Variants in PRKAR2B observed in about 807,000 individuals in gnomAD.
PRKAR2B encodes protein kinase cAMP-dependent type II regulatory subunit beta.
Under a neutral mutation model 49.9 loss-of-function variants are expected in PRKAR2B, and 14 were observed. The ratio of observed to expected loss-of-function variants is 0.28; its 90% confidence interval spans 0.19 to 0.44. The LOEUF (loss-of-function observed/expected upper bound fraction) is 0.44. Among genes scored for constraint, PRKAR2B ranks in the 20% least tolerant of loss-of-function variants. The pLI is 1.00. For missense variants in PRKAR2B, 393 were observed against 537.9 expected, an observed-to-expected ratio of 0.73 and a Z score of 2.67; for synonymous variants, 196 against 197.7, an observed-to-expected ratio of 0.99 and a Z score of 0.07.
At chr7:107,145,697 A>G (rs6960148) in intron 5 of PRKAR2B, among the ~76,000 whole-genome samples, 127,776 of 150,320 alleles carry the variant, frequency 0.85, 54,557 homozygotes, top group African/African-American at 0.93. Flanking sequence ...GGAATTACAG[A>G]TGTAAGTAAG....
intron 2 of PRKAR2B, among the ~76,000 whole-genome samples, chr7:107,076,241 A>G (rs190815415): frequency 1.3e-5 from 2 of 152,332 alleles, no homozygotes; most frequent in Admixed American, 6.5e-5. Flanking sequence ...TCTAGGTAAT[A>G]TAACACTGAA....
chr7:107,059,026 C>T (rs1241101842), intron 1 of PRKAR2B, among the ~76,000 whole-genome samples: 5 of 152,172 alleles, frequency 3.3e-5, no homozygotes, highest in Non-Finnish European at 5.9e-5. Context: ...TGGCTCACGC[C>T]TGTATTCCCA....
chr7:107,126,420 C>CAAA lies in PRKAR2B; in HGVS notation c.397-1771_397-1769dup, dbSNP rs35682952. ...TGGGCAACAGAGTGAGAATCTGTCT[C>CAAA]AAAAAAAAAAAAAAAAAAAAAAAGT... On this transcript the variant is annotated intron_variant, in intron 3 of 10. Transcript: ENST00000265717. Among the ~76,000 whole-genome samples, 21 of 38,350 alleles carry CAAA rather than the reference C, an allele frequency of 5.5e-4. 1 individual carries two copies. Among genetic ancestry groups the CAAA allele is most frequent in the African/African-American group, 1.3e-3 (12 of 9,536 alleles). The allele number at this position is 38,350 out of a possible 152,430, so 25.2% of individuals were successfully genotyped here.
intron 2 of PRKAR2B, among the ~76,000 whole-genome samples, chr7:107,085,950 T>A (rs1794611543): frequency 6.6e-6 from 1 of 152,248 alleles, no homozygotes; most frequent in African/African-American, 2.4e-5. Flanking sequence ...TTTGAGCATG[T>A]GAAATTTGTA....
chr7:107,056,458 T>G (rs973407279), intron 1 of PRKAR2B, among the ~76,000 whole-genome samples: 1 of 152,246 alleles, frequency 6.6e-6, no homozygotes, highest in African/African-American at 2.4e-5. Context: ...GCATGGAATG[T>G]TCTTCCATTT....
At chr7:107,061,496 A>T (rs1794026332) in intron 1 of PRKAR2B, among the ~76,000 whole-genome samples, 1 of 152,204 alleles carries the variant, frequency 6.6e-6, no homozygotes, top group South Asian at 2.1e-4. Context: ...TGGGATTTTT[A>T]AAATTATACA....
intron 2 of PRKAR2B, among the ~76,000 whole-genome samples, chr7:107,083,949 G>C (rs1295202483): frequency 6.6e-6 from 1 of 152,146 alleles, no homozygotes; most frequent in East Asian, 1.9e-4. Context: ...TGGAATTATA[G>C]ACTAGTAGGA....
At chr7:107,109,358 C>T (rs1795131900) in intron 2 of PRKAR2B, among the ~76,000 whole-genome samples, 1 of 151,872 alleles carries the variant, frequency 6.6e-6, no homozygotes, top group Non-Finnish European at 1.5e-5. Flanking sequence ...CTCCTGGGCT[C>T]AAGCAGTCTT....
intron 2 of PRKAR2B, among the ~76,000 whole-genome samples, chr7:107,088,247 G>T (rs968129010): frequency 6.6e-6 from 1 of 152,148 alleles, no homozygotes; most frequent in Non-Finnish European, 1.5e-5. Context: ...CGGAAACCTC[G>T]TTCAGGTATC....
intron 1 of PRKAR2B, among the ~76,000 whole-genome samples, chr7:107,069,091 T>C (rs1372153804): frequency 6.6e-6 from 1 of 152,118 alleles, no homozygotes; most frequent in East Asian, 1.9e-4. Flanking sequence ...CCTGTCACCA[T>C]GCCCGGCTAA....
At chr7:107,063,962 G>C (rs1423477387) in intron 1 of PRKAR2B, among the ~76,000 whole-genome samples, 1 of 152,120 alleles carries the variant, frequency 6.6e-6, no homozygotes, top group East Asian at 1.9e-4. Flanking sequence ...GAATCTGACC[G>C]TACAGACTTA....
At chr7:107,071,573 AG>A (rs1298708914) in intron 2 of PRKAR2B, among the ~76,000 whole-genome samples, 4 of 152,228 alleles carry the variant, frequency 2.6e-5, no homozygotes, top group Non-Finnish European at 2.9e-5. Flanking sequence ...CTAGTGTAGT[AG>A]TCCTTTATGA....
chr7:107,108,701 C>T (rs999301252), intron 2 of PRKAR2B, among the ~76,000 whole-genome samples: 14 of 152,206 alleles, frequency 9.2e-5, no homozygotes, highest in African/African-American at 3.4e-4. Flanking sequence ...CCTTTGGCTC[C>T]TGTACAGCTC....
At chr7:107,136,180 A>G (rs1461867379) in intron 4 of PRKAR2B, among the ~76,000 whole-genome samples, 3 of 152,202 alleles carry the variant, frequency 2.0e-5, no homozygotes, top group Non-Finnish European at 2.9e-5. Flanking sequence ...TTAACTCAAA[A>G]TAGATCACAG....
At chr7:107,088,719 C>T (rs1794666871) in intron 2 of PRKAR2B, among the ~76,000 whole-genome samples, 1 of 152,068 alleles carries the variant, frequency 6.6e-6, no homozygotes, top group Admixed American at 6.6e-5. Context: ...CCTGCCTCAG[C>T]CTCTTGAGGA....
intron 1 of PRKAR2B, among the ~76,000 whole-genome samples, chr7:107,047,601 C>T (rs1793724235): frequency 6.6e-6 from 1 of 151,794 alleles, no homozygotes; most frequent in Admixed American, 6.6e-5. Flanking sequence ...AAGTATGAGC[C>T]TATCAGTTTG....
chr7:107,139,763 C>A (rs886945965), intron 4 of PRKAR2B, among the ~76,000 whole-genome samples: 1 of 152,180 alleles, frequency 6.6e-6, no homozygotes, highest in Non-Finnish European at 1.5e-5. Context: ...CATTTTCATG[C>A]GGTCTCAAAA....
intron 8 of PRKAR2B, among the ~76,000 whole-genome samples, chr7:107,155,272 G>T (rs1796059884): frequency 6.6e-6 from 1 of 152,098 alleles, no homozygotes; most frequent in Non-Finnish European, 1.5e-5. Flanking sequence ...TTATTTCAAG[G>T]CCAGGCACAG....
At chr7:107,154,071 T>C (rs1258387638) in intron 8 of PRKAR2B, among the ~76,000 whole-genome samples, 1 of 152,094 alleles carries the variant, frequency 6.6e-6, no homozygotes, top group Non-Finnish European at 1.5e-5. Context: ...CCCTCTCCCA[T>C]TGCTGAGTGT....
Sources: allele counts gnomAD v4.1 joint callset (sites outside exome capture counted in the v4.1 genomes callset), GRCh38; gene constraint gnomAD v4.1.1; transcripts MANE v1.5; gene names NCBI Gene and HGNC (gene_info 2026-07-23, HGNC 2026-07-21).